Variants in PSMD1 observed in about 807,000 individuals in gnomAD.
The protein encoded by PSMD1 is 26S proteasome non-ATPase regulatory subunit 1.
A neutral mutation model predicts 119.0 loss-of-function variants in PSMD1; 18 were observed. The observed-to-expected ratio is 0.15, with a 90% CI of 0.10 to 0.22. The LOEUF is 0.22. Among genes scored for constraint, PSMD1 ranks in the 10% least tolerant of loss-of-function variants. The pLI is 1.00. For missense variants in PSMD1, 702 were observed against 1,158.5 expected (o/e 0.61, Z 5.72); for synonymous variants, 374 against 396.6 (o/e 0.94, Z 0.68).
chr2:231,069,178 A>G (rs1338670880), intron 5 of PSMD1, among the ~76,000 whole-genome samples: 1 of 151,932 alleles, frequency 6.6e-6, no homozygotes, highest in Non-Finnish European at 1.5e-5. Flanking sequence ...TAAAAGAATG[A>G]AAAATGTTTT....
intron 16 of PSMD1, among the ~76,000 whole-genome samples, chr2:231,095,786 G>T (rs1694709540): frequency 6.6e-6 from 1 of 152,178 alleles, no homozygotes; most frequent in African/African-American, 2.4e-5. Flanking sequence ...CCCTGTTGAG[G>T]CCCCATGGGT....
rs367683785 is a variant in PSMD1, at chr2:231,061,325, A to G, written c.60+15A>G. Reference sequence around the variant, plus strand: ...CACAGCTTAAGGTATGAATTGAAGAATAAGTAACTAGGCTTAGTGTGAATA... The same window carrying G: ...CACAGCTTAAGGTATGAATTGAAGAGTAAGTAACTAGGCTTAGTGTGAATA... On this transcript the variant is annotated intron_variant, in intron 2 of 24. Coordinates refer to ENST00000308696, the MANE Select transcript of PSMD1 (RefSeq NM_002807.4). 104 of 1,566,836 alleles carry G rather than the reference A, an allele frequency of 6.6e-5. No homozygotes were observed. The highest frequency in any genetic ancestry group is 2.7e-4 in the Admixed American group (16 of 58,410).
At position 231,056,957 on chromosome 2, in the gene PSMD1, C is replaced by T. The variant is rs1559213296; in HGVS notation, c.-69C>T. Reference sequence around the variant, plus strand: ...AGGAGGCGCGGTGAACTGAGCGGCCCCTGAGCTGACAGATACACTGCGCAG... The same window carrying T: ...AGGAGGCGCGGTGAACTGAGCGGCCTCTGAGCTGACAGATACACTGCGCAG... On this transcript the variant is annotated 5_prime_UTR_variant, in exon 1 of 25. Transcript: ENST00000308696. 1 of 1,536,680 alleles carries T rather than the reference C, an allele frequency of 6.5e-7. No homozygotes were observed. Among genetic ancestry groups the T allele is most frequent in the Non-Finnish European group, 8.8e-7 (1 of 1,142,624 alleles).
At chr2:231,096,083 A>G (rs1033925306) in intron 16 of PSMD1, among the ~76,000 whole-genome samples, 1 of 152,186 alleles carries the variant, frequency 6.6e-6, no homozygotes, top group African/African-American at 2.4e-5. Flanking sequence ...ACCTCTTGTA[A>G]ATGGGCTAGC....
At chr2:231,070,537 A>G (rs1204032819) in intron 6 of PSMD1, among the ~76,000 whole-genome samples, 3 of 152,118 alleles carry the variant, frequency 2.0e-5, no homozygotes, top group African/African-American at 7.2e-5. Context: ...AAGTGTATAA[A>G]TTATATATGG....
intron 16 of PSMD1, among the ~76,000 whole-genome samples, chr2:231,103,493 T>C (rs1346423991): frequency 6.6e-6 from 1 of 152,234 alleles, no homozygotes; most frequent in Admixed American, 6.5e-5. Flanking sequence ...GCAAAACCTA[T>C]GTGTATTAAG....
At chr2:231,123,402 GAAAT>G (rs1324620360) in intron 16 of PSMD1, 1 of 1,595,856 alleles carries the variant, frequency 6.3e-7, no homozygotes, top group Admixed American at 1.7e-5. Flanking sequence ...CAAACAAAGT[GAAAT>G]ACTTACCAAA....
chr2:231,151,545 T>G lies in PSMD1; in HGVS notation c.2116-2019T>G, dbSNP rs145504444. Among the ~76,000 whole-genome samples, 192 of 152,336 alleles carry G rather than the reference T, an allele frequency of 1.3e-3. 1 individual carries two copies. The highest frequency in any genetic ancestry group is 4.3e-3 in the African/African-American group (180 of 41,596). On this transcript the variant is annotated intron_variant, in intron 18 of 24. Coordinates refer to ENST00000308696, the MANE Select transcript of PSMD1 (RefSeq NM_002807.4). Reference sequence around the variant, plus strand: ...AGATAAGCCTATTGTATAGTTGGACTGATTTTTTTATCCATTTGTCAGTTT... The same window carrying G: ...AGATAAGCCTATTGTATAGTTGGACGGATTTTTTTATCCATTTGTCAGTTT...
chr2:231,096,290 T>G (rs996011610), intron 16 of PSMD1, among the ~76,000 whole-genome samples: 8 of 152,214 alleles, frequency 5.3e-5, no homozygotes, highest in Non-Finnish European at 8.8e-5. Flanking sequence ...AGGAGGGGAC[T>G]CAGGCAAAAC....
rs144586557 is a variant in PSMD1 at position 231,142,682 on chromosome 2, C to T, written c.1999-3558C>T. On this transcript the variant is annotated intron_variant, in intron 17 of 24. Transcript: ENST00000308696. ...AAACATCTGTTTATTCTAAAATATA[C>T]CATTGGGGTTGTATTATGTACCTCA... Among the ~76,000 whole-genome samples, 3 of 151,900 alleles carry T rather than the reference C, an allele frequency of 2.0e-5. No individual in the cohort carries two copies. The East Asian group carries it at 5.8e-4, about 29-fold the overall frequency.
chr2:231,077,014 T>C lies in PSMD1; in HGVS notation c.943-20T>C. The C allele has an allele frequency of 6.3e-7, 1 of 1,581,288 alleles. No individual in the cohort carries two copies. ...AATACTGTTTATGAGTTTTCATTTT[T>C]TTTTTGTTTGTTTTGGCAGAGTCCA... is the stretch of plus-strand genomic sequence containing the variant. On this transcript the variant is annotated intron_variant, in intron 8 of 24. Transcript: ENST00000308696.
intron 1 of PSMD1, among the ~76,000 whole-genome samples, chr2:231,058,013 A>G (rs1201986282): frequency 6.6e-6 from 1 of 152,222 alleles, no homozygotes; most frequent in East Asian, 1.9e-4. Context: ...CTTTATTTTT[A>G]TGAGGATTGG....
chr2:231,076,337 CA>C (rs1694166237), intron 8 of PSMD1, among the ~76,000 whole-genome samples: 1 of 152,146 alleles, frequency 6.6e-6, no homozygotes, highest in East Asian at 1.9e-4. Context: ...AGCTGTTCTT[CA>C]CCTGGTTGGA....
intron 23 of PSMD1, 134 bp downstream of exon 23, chr2:231,166,151 AAGAG>A (rs1441861061): frequency 2.1e-6 from 2 of 969,290 alleles, no homozygotes; most frequent in African/African-American, 3.2e-5. Context: ...TATTTAACAA[AAGAG>A]AGAATGTTCT....
intron 16 of PSMD1, among the ~76,000 whole-genome samples, chr2:231,095,238 AG>A (rs1694696206): frequency 6.6e-6 from 1 of 152,212 alleles, no homozygotes; most frequent in African/African-American, 2.4e-5. Context: ...GCAGCTTATC[AG>A]TAGTCATGCC....
intron 7 of PSMD1, among the ~76,000 whole-genome samples, chr2:231,074,024 G>A (rs1694101155): frequency 6.6e-6 from 1 of 150,578 alleles, no homozygotes; most frequent in East Asian, 1.9e-4. Context: ...TTTCTATATT[G>A]GCTAGAATTC....
intron 16 of PSMD1, among the ~76,000 whole-genome samples, chr2:231,115,726 G>A (rs1269523114): frequency 6.6e-6 from 1 of 151,964 alleles, no homozygotes; most frequent in African/African-American, 2.4e-5. Context: ...AGGAGGGGAG[G>A]CATTTATTTA....
intron 19 of PSMD1, among the ~76,000 whole-genome samples, chr2:231,159,815 G>A (rs564476504): frequency 5.9e-5 from 9 of 152,196 alleles, no homozygotes; most frequent in Middle Eastern, 3.4e-3. Flanking sequence ...TTTCTACGAC[G>A]GGGGTGGGGT....
intron 4 of PSMD1, 121 bp downstream of exon 4, chr2:231,062,796 T>A (rs902745310): frequency 2.4e-4 from 202 of 839,558 alleles, no homozygotes; most frequent in Non-Finnish European, 3.3e-4. Context: ...AAGTTCCTAA[T>A]CTTTCTATAA....
Sources: gnomAD v4.1 joint callset for allele counts (sites outside exome capture counted in the v4.1 genomes callset) on GRCh38, gnomAD v4.1.1 for gene constraint, MANE v1.5 for transcripts, NCBI Gene and HGNC (gene_info 2026-07-23, HGNC 2026-07-21) for gene names.